LARS2: variants seen among roughly 807,000 people sequenced by gnomAD.
The protein encoded by LARS2 is leucyl-tRNA synthetase 2, mitochondrial, also known as leucine--tRNA ligase, mitochondrial.
A neutral mutation model predicts 116.6 loss-of-function variants in LARS2; 81 were observed. The ratio of observed to expected loss-of-function variants is 0.69; its 90% CI spans 0.58 to 0.84. The LOEUF (loss-of-function observed/expected upper bound fraction) is 0.84. LARS2 is among the 40% of genes least tolerant of loss of function. The pLI is 0.00. For missense variants in LARS2, 968 were observed against 1,114.5 expected (o/e 0.87, Z 1.87); for synonymous variants, 396 against 407.2 (o/e 0.97, Z 0.33).
intron 2 of LARS2, among the ~76,000 whole-genome samples, chr3:45,393,774 T>G (rs1697997869): frequency 6.6e-6 from 1 of 152,034 alleles, no homozygotes; most frequent in Non-Finnish European, 1.5e-5. Context: ...CACTGAGGTA[T>G]GATTATGCCA....
At chr3:45,503,305 T>C (rs1474256083) in intron 15 of LARS2, among the ~76,000 whole-genome samples, 11 of 152,238 alleles carry the variant, frequency 7.2e-5, no homozygotes, top group African/African-American at 2.6e-4. Context: ...GATAGGCAAG[T>C]TTCCTTGTTT....
intron 13 of LARS2, among the ~76,000 whole-genome samples, chr3:45,492,147 T>C (rs1453874696): frequency 6.6e-6 from 1 of 152,212 alleles, no homozygotes; most frequent in Non-Finnish European, 1.5e-5. Flanking sequence ...AAGAGCCACG[T>C]GGAGAGGGGA....
intron 15 of LARS2, 112 bp from the exon 16 acceptor site, chr3:45,513,023 C>G (rs1700311826): frequency 1.1e-5 from 8 of 754,878 alleles, no homozygotes; most frequent in African/African-American, 1.7e-5. Flanking sequence ...AGCCCGCCTG[C>G]TTTTATGAGG....
chr3:45,506,535 T>G (rs1020562637), intron 15 of LARS2, among the ~76,000 whole-genome samples: 1 of 152,074 alleles, frequency 6.6e-6, no homozygotes, highest in African/African-American at 2.4e-5. Context: ...TCCTTTTGAT[T>G]AGCATTGTAA....
chr3:45,425,241 T>G (rs996146328), intron 6 of LARS2, among the ~76,000 whole-genome samples: 2 of 152,202 alleles, frequency 1.3e-5, no homozygotes, highest in South Asian at 4.1e-4. Context: ...GCTGTGTTCT[T>G]GTCTGTTTTG....
intron 20 of LARS2, among the ~76,000 whole-genome samples, chr3:45,535,067 T>G (rs114156999): frequency 0.013 from 1,996 of 151,792 alleles, 30 homozygotes; most frequent in African/African-American, 0.046. Context: ...GAGCAGAAAA[T>G]CATCTAACAG....
chr3:45,537,272 C>G (rs1324940481), intron 20 of LARS2, among the ~76,000 whole-genome samples: 1 of 152,172 alleles, frequency 6.6e-6, no homozygotes, highest in Non-Finnish European at 1.5e-5. Flanking sequence ...CTTTACGTCC[C>G]TTAGGGATTC....
In LARS2 at chr3:45,424,852, A is replaced by G. The variant is rs556134626; in HGVS notation, c.516+5123A>G. Among the ~76,000 whole-genome samples the G allele has an allele frequency of 2.0e-5, 3 of 152,112 alleles. No individual in the cohort carries two copies. The South Asian group carries it at 6.2e-4, about 32-fold the overall frequency. On this transcript the variant is annotated intron_variant, in intron 6 of 21. Transcript: ENST00000645846. ...TCTCAAGAACACTGTCCGTATACTC[A>G]TTTCATTGTCTTCCATTGTCATCAC...
Position 45,400,385 on chromosome 3 carries a change from T to C in LARS2, c.363+12T>C. 1 of 1,593,960 alleles carries C rather than the reference T, an allele frequency of 6.3e-7. No homozygotes were observed. Among genetic ancestry groups the C allele is most frequent in the Non-Finnish European group, 8.5e-7 (1 of 1,170,292 alleles). On this transcript the variant is annotated intron_variant, in intron 4 of 21. Transcript: ENST00000645846. ...TGAGAGGGATGCAGGTAAGAACAGGTGCCTGCTGGAGCAGCCCTTGTCTGC... is the reference window on the plus strand; with the variant it reads ...TGAGAGGGATGCAGGTAAGAACAGGCGCCTGCTGGAGCAGCCCTTGTCTGC...
At chr3:45,447,190 G>A (rs1699036611) in intron 7 of LARS2, among the ~76,000 whole-genome samples, 1 of 152,076 alleles carries the variant, frequency 6.6e-6, no homozygotes. Flanking sequence ...CCTATTGTCT[G>A]GTTCCTGTAA....
intron 6 of LARS2, among the ~76,000 whole-genome samples, chr3:45,428,307 G>A (rs191982140): frequency 0.013 from 1,714 of 134,824 alleles, 19 homozygotes; most frequent in South Asian, 0.025. Context: ...GCAGTGGCGC[G>A]ATCTTGGCTC....
At chr3:45,520,441 T>C (rs899753857) in intron 19 of LARS2, 145 bp downstream of exon 19, 16 of 603,064 alleles carry the variant, frequency 2.7e-5, no homozygotes, top group African/African-American at 2.6e-4. Context: ...GAAACATTTT[T>C]CCATAGTCAC....
rs562183044 is a variant in LARS2 at position 45,459,289 on chromosome 3, A to C, written c.750+403A>C. On this transcript the variant is annotated intron_variant, in intron 8 of 21. Coordinates refer to ENST00000645846, the MANE Select transcript of LARS2 (RefSeq NM_015340.4). ...GAAAGATAGAATGAAATCTCAGATA[A>C]GTAAATGGACTTTTGGTTTATTAAC... Among the ~76,000 whole-genome samples, 26 of 152,356 alleles carry C rather than the reference A, an allele frequency of 1.7e-4. No individual in the cohort carries two copies. The South Asian group carries it at 5.2e-3, about 30-fold the overall frequency.
At chr3:45,480,812 T>C (rs1699686172) in intron 10 of LARS2, among the ~76,000 whole-genome samples, 1 of 152,228 alleles carries the variant, frequency 6.6e-6, no homozygotes, top group Non-Finnish European at 1.5e-5. Flanking sequence ...ACTGGTATAA[T>C]ATAACTTTTA....
intron 7 of LARS2, among the ~76,000 whole-genome samples, chr3:45,447,281 C>A (rs532635850): frequency 7.9e-5 from 12 of 152,290 alleles, no homozygotes; most frequent in Non-Finnish European, 1.5e-4. Context: ...GCTATGTGAA[C>A]ATCTGGGTAA....
chr3:45,449,044 A>G (rs955732623), intron 7 of LARS2, among the ~76,000 whole-genome samples: 4 of 152,184 alleles, frequency 2.6e-5, no homozygotes, highest in African/African-American at 9.7e-5. Flanking sequence ...TCCAATATCA[A>G]GGTGCCGGCC....
intron 20 of LARS2, among the ~76,000 whole-genome samples, chr3:45,524,977 A>G (rs1292611018): frequency 6.6e-6 from 1 of 152,194 alleles, no homozygotes; most frequent in Non-Finnish European, 1.5e-5. Flanking sequence ...TTACAGTAGG[A>G]TTTATAGTTG....
chr3:45,515,180 T>G (rs529487757), intron 16 of LARS2, among the ~76,000 whole-genome samples: 1 of 152,302 alleles, frequency 6.6e-6, no homozygotes, highest in Non-Finnish European at 1.5e-5. Flanking sequence ...CACTCCTTTT[T>G]TCTTCTCTCT....
chr3:45,506,093 G>GT, intron 15 of LARS2, among the ~76,000 whole-genome samples: 1 of 152,166 alleles, frequency 6.6e-6, no homozygotes, highest in African/African-American at 2.4e-5. Context: ...GACCTATGGA[G>GT]TTTTGTTTTT....
Sources: allele counts gnomAD v4.1 joint callset (sites outside exome capture counted in the v4.1 genomes callset), GRCh38; gene constraint gnomAD v4.1.1; transcripts MANE v1.5; gene names NCBI Gene and HGNC (gene_info 2026-07-23, HGNC 2026-07-21).